The following AMTN variants were observed in gnomAD, a reference collection of about 807,000 sequenced individuals.
AMTN encodes RSTI689.
Under a neutral mutation model 27.4 loss-of-function variants are expected in AMTN, and 29 were observed. That is an observed-to-expected ratio of 1.06 (90% CI 0.79 to 1.44). The LOEUF is 1.44. Among genes scored for constraint, AMTN ranks in the 40% most tolerant of loss-of-function variants. The pLI, the probability that AMTN is intolerant of heterozygous loss-of-function variation, is 0.00. For synonymous variants in AMTN, 86 were observed against 95.7 expected, an observed-to-expected ratio of 0.90 and a Z score of 0.59; for missense variants, 247 against 248.8, an observed-to-expected ratio of 0.99 and a Z score of 0.05.
In AMTN at chr4:70,523,920, C is replaced by T; in HGVS notation, c.191C>T (p.Pro64Leu). The T allele has an allele frequency of 6.2e-7, 1 of 1,613,196 alleles. No individual in the cohort carries two copies. Among genetic ancestry groups the T allele is most frequent in the Non-Finnish European group, 8.5e-7 (1 of 1,179,260 alleles). Residue 64 changes from proline to leucine, a missense_variant, in exon 4 of 9, where the codon CCA (proline) becomes CTA (leucine). Pro to Leu is a moderately conservative substitution (Grantham distance 98). Transcript: ENST00000339336. ...TTAACACAGATGCTCACACTGGGGCCAGATCTGCATCTGGTAAGTGATTGT... is the reference window on the plus strand; with the variant it reads ...TTAACACAGATGCTCACACTGGGGCTAGATCTGCATCTGGTAAGTGATTGT... Reference protein sequence around the residue: ...IPLTQMLTLGPDLHLLNPAAG... With the variant: ...IPLTQMLTLGLDLHLLNPAAG...
chr4:70,524,827 A>G lies in AMTN; in HGVS notation c.205-45A>G, dbSNP rs377742881. 4.4e-6 allele frequency: 7 copies of G among 1,581,854 alleles called. No individual in the cohort carries two copies. In the African/African-American group the frequency reaches 9.4e-5, roughly 21 times the overall value. The stretch of plus-strand genomic sequence containing the variant: ...AAACATTTTAGTTTCCTAAATGTCC[A>G]AACTGAAAAAAAATACAATGAAAGT... On this transcript the variant is annotated intron_variant, in intron 4 of 8. Transcript: ENST00000339336.
chr4:70,521,640 C>CTTTTTTTTTTTTTTTTTTTTTTTTTTTTT (rs763143860), intron 2 of AMTN, among the ~76,000 whole-genome samples: 5 of 76,468 alleles, frequency 6.5e-5, no homozygotes, highest in Non-Finnish European at 9.1e-5. Flanking sequence ...ACCAACCTCT[C>CTTTTTTTTTTTTTTTTTTTTTTTTTTTTT]TTTTTTTTTT....
rs889911318 is a variant in AMTN, at chr4:70,531,201, A to C, written c.520A>C (p.Thr174Pro). ...GGGAACCCCAGCAGGCCGCCTCCCA[A>C]CTCCCAGTGGCACAGATGACGACTT... ...TQGTPAGRLP[T>P]PSGTDDDFAV... Residue 174 changes from threonine to proline, a missense_variant, in exon 8 of 9, where the codon ACT becomes CCT. Physicochemically the swap from Thr to Pro is conservative, Grantham distance 38 (BLOSUM62 -1). Transcript: ENST00000339336. The C allele has an allele frequency of 1.9e-6, 3 of 1,613,784 alleles. No homozygotes were observed. The highest frequency in any genetic ancestry group is 1.7e-6 in the Non-Finnish European group (2 of 1,179,948).
At chr4:70,518,729 T>C in intron 1 of AMTN, 34 bp from the exon 2 acceptor site, 1 of 1,391,094 alleles carries the variant, frequency 7.2e-7, no homozygotes, top group East Asian at 2.3e-5. Flanking sequence ...GGAAAAAAAA[T>C]ACATGGAAGA....
intron 5 of AMTN, 97 bp from the exon 6 acceptor site, chr4:70,528,626 G>C: frequency 1.9e-6 from 2 of 1,069,838 alleles, no homozygotes; most frequent in Non-Finnish European, 2.8e-6. Flanking sequence ...CTCCAGCCTG[G>C]GCAACAGAGC....
intron 2 of AMTN, 134 bp from the exon 3 acceptor site, chr4:70,522,621 G>T: frequency 1.2e-6 from 1 of 844,034 alleles, no homozygotes; most frequent in Admixed American, 1.9e-5. Context: ...AATGTTTCAG[G>T]GAATCAAACT....
In AMTN at chr4:70,532,441, T is replaced by C; in HGVS notation, c.620-14T>C. 6.3e-7 allele frequency: 1 copy of C among 1,597,458 alleles called. No homozygotes were observed. Among genetic ancestry groups the C allele is most frequent in the Non-Finnish European group, 8.6e-7 (1 of 1,169,584 alleles). On this transcript the variant is annotated splice_polypyrimidine_tract_variant and intron_variant, in intron 8 of 8. Coordinates refer to ENST00000339336, the MANE Select transcript of AMTN (RefSeq NM_212557.4). ...TTTTTACCTACATTTAAAAGGTGTTTTATTTTCTTCCAGGAATTCAGTAAG... is the reference window on the plus strand; with the variant it reads ...TTTTTACCTACATTTAAAAGGTGTTCTATTTTCTTCCAGGAATTCAGTAAG...
chr4:70,528,872 T>C (rs1422999488), intron 6 of AMTN, 114 bp downstream of exon 6: 7 of 851,948 alleles, frequency 8.2e-6, no homozygotes, highest in Non-Finnish European at 1.1e-5. Flanking sequence ...TTGTACTGTA[T>C]GGACACTGAT....
intron 5 of AMTN, among the ~76,000 whole-genome samples, chr4:70,526,812 T>C (rs1736107849): frequency 6.6e-6 from 1 of 152,098 alleles, no homozygotes; most frequent in South Asian, 2.1e-4. Context: ...CTGTGCAATA[T>C]TATAAATCAG....
In AMTN at chr4:70,522,757, G is replaced by A. The variant is rs768170923; in HGVS notation, c.57G>A (p.Gln19=). 7 of 1,613,936 alleles carry A rather than the reference G, an allele frequency of 4.3e-6. No individual in the cohort carries two copies. The South Asian group carries it at 7.7e-5, about 18-fold the overall frequency. The change falls in exon 3 of 9, where the codon CAG becomes CAA. Residue 19 remains glutamine, a splice_region_variant and synonymous_variant. Transcript: ENST00000339336. Reference sequence around the variant, plus strand: ...ATATGTATTTGTTTTCACAAAAGCAGCTCAAACCTGCTTTGGGACTCCCTC... The same window carrying A: ...ATATGTATTTGTTTTCACAAAAGCAACTCAAACCTGCTTTGGGACTCCCTC... ...CLLGSTRSLP[Q]LKPALGLPPT... is the part of the protein sequence containing the mutation.
intron 2 of AMTN, among the ~76,000 whole-genome samples, chr4:70,522,423 G>C (rs1430171387): frequency 1.3e-5 from 2 of 152,124 alleles, no homozygotes; most frequent in Non-Finnish European, 2.9e-5. Context: ...AATGTGCACA[G>C]AGCTAAGGTA....
rs1394883193 is a variant in AMTN at position 70,523,752 on chromosome 4, C to T, written c.139-116C>T. Reference sequence around the variant, plus strand: ...GCCCCGAGGCTTCATCTTTATTTACCTTCATGGTAAACCCACCTCTGACAG... The same window carrying T: ...GCCCCGAGGCTTCATCTTTATTTACTTTCATGGTAAACCCACCTCTGACAG... On this transcript the variant is annotated intron_variant, in intron 3 of 8. Transcript: ENST00000339336. 5.7e-6 allele frequency: 5 copies of T among 879,000 alleles called. No homozygotes were observed. In the African/African-American group the frequency reaches 6.7e-5, roughly 12 times the overall value. The allele number at this position is 879,000 out of a possible 1,614,324, so 54.5% of individuals were successfully genotyped here.
chr4:70,532,319 C>T, intron 8 of AMTN, 136 bp from the exon 9 acceptor site: 1 of 645,862 alleles, frequency 1.5e-6, no homozygotes. Flanking sequence ...TGTCTAGAAC[C>T]AAATATCCTT....
chr4:70,531,514 G>A (rs1736224323), intron 8 of AMTN, among the ~76,000 whole-genome samples: 1 of 152,080 alleles, frequency 6.6e-6, no homozygotes, highest in African/African-American at 2.4e-5. Flanking sequence ...ATTTGTGTGA[G>A]TGTTTTTGGT....
At chr4:70,526,921 C>A (rs899424289) in intron 5 of AMTN, among the ~76,000 whole-genome samples, 12 of 152,202 alleles carry the variant, frequency 7.9e-5, no homozygotes, top group African/African-American at 2.9e-4. Context: ...GTCCCTCCAA[C>A]CCTGCCTTTC....
intron 2 of AMTN, 89 bp from the exon 3 acceptor site, chr4:70,522,666 G>A: frequency 3.3e-6 from 4 of 1,203,202 alleles, no homozygotes; most frequent in South Asian, 2.5e-5. Context: ...AGATAGACAT[G>A]TTTGCATTGG....
At chr4:70,523,013 A>G (rs908206008) in intron 3 of AMTN, among the ~76,000 whole-genome samples, 175 bp downstream of exon 3, 2 of 152,228 alleles carry the variant, frequency 1.3e-5, no homozygotes, top group Admixed American at 6.5e-5. Flanking sequence ...AAAAGAACCG[A>G]TATAATTTTC....
chr4:70,518,923 C>T (rs1735881879), intron 2 of AMTN, 92 bp downstream of exon 2: 6 of 1,052,904 alleles, frequency 5.7e-6, no homozygotes, highest in Non-Finnish European at 8.9e-6. Flanking sequence ...ATCAAAACTG[C>T]TCTGTTTTGT....
intron 7 of AMTN, 149 bp downstream of exon 7, chr4:70,529,359 C>A (rs960223998): frequency 4.5e-5 from 22 of 486,132 alleles, no homozygotes; most frequent in Middle Eastern, 1.1e-3. Context: ...ATTAGATTAT[C>A]CTTTCTTTGT....
Sources: gnomAD v4.1 joint callset for allele counts (sites outside exome capture counted in the v4.1 genomes callset) on GRCh38, gnomAD v4.1.1 for gene constraint, MANE v1.5 for transcripts, NCBI Gene and HGNC (gene_info 2026-07-23, HGNC 2026-07-21) for gene names.